The following TRPM3 variants were observed in gnomAD, a reference collection of about 807,000 sequenced individuals.
TRPM3 encodes long transient receptor potential channel 3.
A neutral mutation model predicts 181.2 loss-of-function variants in TRPM3; 77 were observed. The observed-to-expected ratio is 0.42, with a 90% CI of 0.35 to 0.51. The LOEUF (loss-of-function observed/expected upper bound fraction) is 0.51. Ranked by LOEUF, TRPM3 falls within the 20% of genes least tolerant of loss-of-function variation. TRPM3 has a pLI of 0.01. For synonymous variants in TRPM3, 745 were observed against 796.4 expected (o/e 0.94, Z 1.09); for missense variants, 1,759 against 2,196.7 (o/e 0.80, Z 3.98).
chr9:71,286,453 C>A (rs1279467142), intron 1 of TRPM3, among the ~76,000 whole-genome samples: 1 of 152,148 alleles, frequency 6.6e-6, no homozygotes, highest in Non-Finnish European at 1.5e-5. Flanking sequence ...CCCATTAATA[C>A]ATTAATTCTT....
intron 8 of TRPM3, among the ~76,000 whole-genome samples, chr9:70,752,010 G>A (rs867591031): frequency 0.017 from 1,898 of 111,928 alleles, 23 homozygotes; most frequent in Middle Eastern, 0.031. Flanking sequence ...GTGTGTGTGT[G>A]TGTGTGTGTG....
chr9:70,978,135 C>T (rs998933896), intron 1 of TRPM3, among the ~76,000 whole-genome samples: 5 of 152,164 alleles, frequency 3.3e-5, no homozygotes, highest in Non-Finnish European at 7.4e-5. Flanking sequence ...GAGAGATGCT[C>T]CTGTCATCCA....
intron 1 of TRPM3, among the ~76,000 whole-genome samples, chr9:70,962,541 T>C (rs777432161): frequency 3.9e-5 from 6 of 152,188 alleles, no homozygotes; most frequent in Non-Finnish European, 7.3e-5. Flanking sequence ...CGGAATGAGA[T>C]GCAGTAGTTT....
chr9:71,094,585 G>T (rs909960924), intron 1 of TRPM3, among the ~76,000 whole-genome samples: 7 of 152,108 alleles, frequency 4.6e-5, no homozygotes, highest in Non-Finnish European at 1.0e-4. Context: ...GCACAGATTA[G>T]GTTCAAACCT....
chr9:70,654,961 G>GA (rs2060097207), intron 9 of TRPM3, among the ~76,000 whole-genome samples: 1 of 151,076 alleles, frequency 6.6e-6, no homozygotes, highest in African/African-American at 2.4e-5. Flanking sequence ...GGGATTACAG[G>GA]CGTGAAGCAC....
At chr9:71,092,904 A>C (rs1280293192) in intron 1 of TRPM3, among the ~76,000 whole-genome samples, 1 of 152,172 alleles carries the variant, frequency 6.6e-6, no homozygotes, top group Non-Finnish European at 1.5e-5. Flanking sequence ...AGATATATAG[A>C]CCAATGGAAT....
intron 1 of TRPM3, among the ~76,000 whole-genome samples, chr9:71,224,922 G>C (rs1198348798): frequency 6.6e-6 from 1 of 152,030 alleles, no homozygotes; most frequent in East Asian, 1.9e-4. Flanking sequence ...AAAGTCAGAG[G>C]AGACAAAAGA....
chr9:70,739,779 G>A (rs1368830337), intron 8 of TRPM3, among the ~76,000 whole-genome samples: 1 of 151,900 alleles, frequency 6.6e-6, no homozygotes, highest in South Asian at 2.1e-4. Flanking sequence ...CACCATGTCT[G>A]GTAAATTTTT....
intron 1 of TRPM3, among the ~76,000 whole-genome samples, chr9:71,107,152 C>A (rs1042461812): frequency 1.4e-4 from 21 of 152,158 alleles, no homozygotes; most frequent in Non-Finnish European, 5.9e-5. Context: ...ATACCCCCAA[C>A]CCTGCACAGA....
rs143429773 is a variant in TRPM3, at chr9:71,295,899, G to A, written c.183+150754C>T. 1.1e-4 allele frequency among the ~76,000 whole-genome samples: 16 copies of A among 150,908 alleles called. No homozygotes were observed. In the East Asian group the frequency reaches 2.9e-3, roughly 28 times the overall value. ...ATTTTCTACCATAGAAGTAGAAGTTGGTCAACATAGTGACAGAACTCTTCC... is the reference window on the plus strand; with the variant it reads ...ATTTTCTACCATAGAAGTAGAAGTTAGTCAACATAGTGACAGAACTCTTCC... On this transcript the variant is annotated intron_variant, in intron 1 of 24. Coordinates refer to the TRPM3 transcript ENST00000357533.
At chr9:70,814,540 A>G (rs887168412) in intron 6 of TRPM3, among the ~76,000 whole-genome samples, 1 of 152,226 alleles carries the variant, frequency 6.6e-6, no homozygotes, top group Non-Finnish European at 1.5e-5. Context: ...CAGCCATTAT[A>G]AAATGTAAGC....
intron 1 of TRPM3, among the ~76,000 whole-genome samples, chr9:71,373,227 G>A (rs1489056758): frequency 6.6e-6 from 1 of 150,700 alleles, no homozygotes; most frequent in Non-Finnish European, 1.5e-5. Flanking sequence ...AGAACCAAGA[G>A]CCAACAAACC....
chr9:70,668,351 G>A (rs1253324751), intron 9 of TRPM3, among the ~76,000 whole-genome samples: 2 of 152,160 alleles, frequency 1.3e-5, no homozygotes. Flanking sequence ...GAGGATTAAA[G>A]TAGTTAATAT....
chr9:70,607,741 T>C (rs1050951483), intron 19 of TRPM3, among the ~76,000 whole-genome samples: 3 of 152,224 alleles, frequency 2.0e-5, no homozygotes, highest in African/African-American at 7.2e-5. Context: ...CTTGTCATCA[T>C]GGACGTTTTA....
intron 1 of TRPM3, among the ~76,000 whole-genome samples, chr9:70,967,032 C>CAAAAACAAAT (rs5898172): frequency 0.73 from 109,917 of 151,352 alleles, 40,144 homozygotes; most frequent in Middle Eastern, 0.76. Flanking sequence ...CAAAACACAA[C>CAAAAACAAAT]AAAAACAATA....
In TRPM3 at chr9:71,070,364, T is replaced by C. The variant is rs183344702; in HGVS notation, c.177+50814A>G. Among the ~76,000 whole-genome samples the C allele has an allele frequency of 1.6e-3, 244 of 152,350 alleles. 2 individuals carry two copies. The highest frequency in any genetic ancestry group is 6.8e-3 in the Middle Eastern group (2 of 294). ...CAGCTATACAGCTCTCTGCTGCTGATTGAAACAGAGAGGACTGTTCAAGAG... is the reference window on the plus strand; with the variant it reads ...CAGCTATACAGCTCTCTGCTGCTGACTGAAACAGAGAGGACTGTTCAAGAG... On this transcript the variant is annotated intron_variant, in intron 1 of 25. Coordinates refer to ENST00000677713, the MANE Select transcript of TRPM3 (RefSeq NM_001366145.2).
chr9:71,355,911 A>G (rs2091879958), intron 1 of TRPM3, among the ~76,000 whole-genome samples: 1 of 152,168 alleles, frequency 6.6e-6, no homozygotes, highest in Non-Finnish European at 1.5e-5. Flanking sequence ...TAAGATTTTT[A>G]TTAGACAAGT....
At chr9:71,170,731 T>G (rs1374216270) in intron 1 of TRPM3, among the ~76,000 whole-genome samples, 9 of 152,170 alleles carry the variant, frequency 5.9e-5, no homozygotes, top group Non-Finnish European at 1.0e-4. Context: ...CCTGTCAGCT[T>G]AGGAGGATGT....
chr9:71,109,050 CAAG>C (rs2070421258), intron 1 of TRPM3, among the ~76,000 whole-genome samples: 1 of 126,822 alleles, frequency 7.9e-6, no homozygotes, highest in African/African-American at 3.4e-5. Flanking sequence ...CTCCTCCGAG[CAAG>C]AAGGAATGCC....
Sources: gnomAD v4.1 joint callset for allele counts (sites outside exome capture counted in the v4.1 genomes callset) on GRCh38, gnomAD v4.1.1 for gene constraint, MANE v1.5 for transcripts, NCBI Gene and HGNC (gene_info 2026-07-23, HGNC 2026-07-21) for gene names.